Variants in CSMD2 observed in about 807,000 individuals in gnomAD.
CSMD2 encodes the protein CUB and sushi domain-containing protein 2.
In CSMD2, 130 loss-of-function variants were observed where a neutral mutation model predicts 398.5. The ratio of observed to expected loss-of-function variants is 0.33; its 90% CI spans 0.28 to 0.38. The LOEUF (loss-of-function observed/expected upper bound fraction) is 0.38. CSMD2 is among the 10% of genes least tolerant of loss of function. CSMD2 has a pLI of 1.00. For synonymous variants in CSMD2, 1,828 were observed against 1,908.5 expected (o/e 0.96, Z 1.10); for missense variants, 3,829 against 4,764.9 (o/e 0.80, Z 5.78).
intron 5 of CSMD2, among the ~76,000 whole-genome samples, chr1:33,907,856 C>T (rs948667008): frequency 8.6e-5 from 13 of 151,996 alleles, no homozygotes; most frequent in South Asian, 2.1e-4. Flanking sequence ...CTGGGCTGGG[C>T]GTGGTGGCTC....
rs748711933 is a variant in CSMD2 at position 33,772,704 on chromosome 1, G to A, written c.1711C>T (p.Arg571Trp). The change falls in exon 13 of 71, where the codon CGG becomes TGG. Residue 571 changes from arginine (R) to tryptophan (W), a missense_variant. Transcript: ENST00000373381. Reference protein sequence around the residue: ...CGDPGIPAYGRREGSRFHHGD... With the variant: ...CGDPGIPAYGWREGSRFHHGD... ...TGGTGAAACCGGGAGCCTTCCCTCC[G>A]GCCATATGCAGGTATGCCAGGGTCA... The A allele has an allele frequency of 8.1e-5, 131 of 1,613,952 alleles. 3 individuals carry two copies. The South Asian group carries it at 1.3e-3, about 16-fold the overall frequency.
In CSMD2 at chr1:33,613,916, G is replaced by A. The variant is rs191221564; in HGVS notation, c.6133+588C>T. 1.1e-3 allele frequency among the ~76,000 whole-genome samples: 163 copies of A among 152,158 alleles called. 2 individuals carry two copies. Among genetic ancestry groups the A allele is most frequent in the Non-Finnish European group, 2.6e-4 (18 of 68,010 alleles). On this transcript the variant is annotated intron_variant, in intron 40 of 70. Coordinates refer to ENST00000373381, the MANE Select transcript of CSMD2 (RefSeq NM_001281956.2). ...CCTCCACACCCTGACAACCTCCCAT[G>A]CCTAGCATACTCCAGCTCCAAAAAC...
intron 1 of CSMD2, among the ~76,000 whole-genome samples, chr1:34,119,349 C>T (rs1415434061): frequency 6.6e-6 from 1 of 152,128 alleles, no homozygotes; most frequent in Admixed American, 6.6e-5. Flanking sequence ...AGCTTTATGA[C>T]ATTGGATTTG....
intron 5 of CSMD2, among the ~76,000 whole-genome samples, chr1:33,911,940 G>A (rs1643468408): frequency 6.6e-6 from 1 of 152,188 alleles, no homozygotes; most frequent in Non-Finnish European, 1.5e-5. Context: ...CTTTGGCCAG[G>A]AGGACTAGGC....
At chr1:33,983,311 G>A (rs1646236391) in intron 3 of CSMD2, among the ~76,000 whole-genome samples, 1 of 152,206 alleles carries the variant, frequency 6.6e-6, no homozygotes, top group South Asian at 2.1e-4. Context: ...TGTGGGCAAT[G>A]CAGCAGGTCT....
At chr1:33,920,761 A>G (rs1643910186) in intron 4 of CSMD2, among the ~76,000 whole-genome samples, 2 of 152,170 alleles carry the variant, frequency 1.3e-5, no homozygotes, top group South Asian at 4.1e-4. Context: ...CCATGTAGAC[A>G]GCAGACCAGA....
chr1:33,634,318 T>C (rs1183957994), intron 31 of CSMD2, among the ~76,000 whole-genome samples: 1 of 152,166 alleles, frequency 6.6e-6, no homozygotes, highest in Non-Finnish European at 1.5e-5. Flanking sequence ...CCCCAATGGG[T>C]GCTTACTAAA....
At chr1:33,721,074 C>G (rs1418004780) in intron 19 of CSMD2, among the ~76,000 whole-genome samples, 2 of 152,166 alleles carry the variant, frequency 1.3e-5, no homozygotes, top group Non-Finnish European at 2.9e-5. Context: ...AAGAAGTGAT[C>G]TGGTCATTCA....
At chr1:33,686,645 C>T (rs867753009) in intron 25 of CSMD2, among the ~76,000 whole-genome samples, 1 of 152,210 alleles carries the variant, frequency 6.6e-6, no homozygotes. Context: ...CATCCTTGCC[C>T]AGCTTGCTGG....
At chr1:33,757,207 A>T (rs531052969) in intron 13 of CSMD2, among the ~76,000 whole-genome samples, 1 of 152,172 alleles carries the variant, frequency 6.6e-6, no homozygotes, top group Non-Finnish European at 1.5e-5. Flanking sequence ...ACCTAAAGCT[A>T]AATGACGAGT....
chr1:33,558,883 C>T (rs751659989), intron 54 of CSMD2, among the ~76,000 whole-genome samples: 6 of 152,096 alleles, frequency 3.9e-5, no homozygotes, highest in Admixed American at 2.0e-4. Context: ...GGAGCTGCAG[C>T]AGCCATTTTG....
At chr1:33,946,636 T>C (rs1483058234) in intron 3 of CSMD2, among the ~76,000 whole-genome samples, 2 of 151,650 alleles carry the variant, frequency 1.3e-5, no homozygotes, top group Non-Finnish European at 2.9e-5. Flanking sequence ...TTTTTTTTTT[T>C]GAGACGGAGT....
chr1:33,827,121 A>G (rs1658917175), intron 6 of CSMD2, among the ~76,000 whole-genome samples: 1 of 152,106 alleles, frequency 6.6e-6, no homozygotes, highest in Admixed American at 6.5e-5. Flanking sequence ...TCCCCTCATG[A>G]CTGTGGCCTC....
Position 33,557,925 on chromosome 1 carries a change from G to A in CSMD2, c.8555-3C>T. 1.3e-6 allele frequency: 2 copies of A among 1,530,402 alleles called. No homozygotes were observed. Among genetic ancestry groups the A allele is most frequent in the South Asian group, 1.2e-5 (1 of 83,948 alleles). 94.8% of individuals were successfully genotyped at this position (1,530,402 alleles called of 1,614,324 possible). On this transcript the variant is annotated splice_region_variant and splice_polypyrimidine_tract_variant and intron_variant, in intron 54 of 70. Coordinates refer to ENST00000373381, the MANE Select transcript of CSMD2 (RefSeq NM_001281956.2). The stretch of plus-strand genomic sequence containing the variant: ...TCCAGGATCTGTACAGTTGATGACT[G>A]CAATTGAACAGAAGTCCAAACAGGC...
At chr1:34,015,703 A>T (rs1457659891) in intron 3 of CSMD2, among the ~76,000 whole-genome samples, 1 of 152,190 alleles carries the variant, frequency 6.6e-6, no homozygotes, top group Admixed American at 6.5e-5. Context: ...GACCAATACT[A>T]GGGATTAGAA....
intron 23 of CSMD2, 96 bp downstream of exon 23, chr1:33,700,421 C>T (rs1645572469): frequency 1.5e-6 from 2 of 1,353,002 alleles, no homozygotes; most frequent in Non-Finnish European, 2.1e-6. Flanking sequence ...CTTAAGAGCA[C>T]ATTCTTTGTA....
intron 38 of CSMD2, 72 bp from the exon 39 acceptor site, chr1:33,617,047 A>T: frequency 8.1e-7 from 1 of 1,228,758 alleles, no homozygotes; most frequent in Non-Finnish European, 1.2e-6. Flanking sequence ...CAGGGGCTGT[A>T]CAGGGGTCTG....
chr1:33,637,865 C>T (rs1172678503), intron 29 of CSMD2, among the ~76,000 whole-genome samples: 2 of 152,126 alleles, frequency 1.3e-5, no homozygotes, highest in Non-Finnish European at 2.9e-5. Flanking sequence ...GTTCATTCAT[C>T]AGAGATGAAT....
intron 57 of CSMD2, among the ~76,000 whole-genome samples, chr1:33,544,803 T>C (rs1349978421): frequency 6.7e-6 from 1 of 150,338 alleles, no homozygotes; most frequent in Non-Finnish European, 1.5e-5. Flanking sequence ...ATGGACACTG[T>C]AAATGCCCTG....
Sources: allele counts gnomAD v4.1 joint callset (sites outside exome capture counted in the v4.1 genomes callset), GRCh38; gene constraint gnomAD v4.1.1; transcripts MANE v1.5; gene names NCBI Gene and HGNC (gene_info 2026-07-23, HGNC 2026-07-21).